MTMR6: variants seen among roughly 807,000 people sequenced by gnomAD.
The protein encoded by MTMR6 is myotubularin related protein 6.
MTMR6 carries 47 observed loss-of-function variants against 80.1 expected under a neutral mutation model. The observed-to-expected ratio is 0.59, with a 90% CI of 0.46 to 0.75. The LOEUF (loss-of-function observed/expected upper bound fraction) is 0.75, where lower values mean the gene tolerates loss of function less well. Ranked by LOEUF, MTMR6 falls within the 30% of genes least tolerant of loss-of-function variation. MTMR6 has a pLI of 0.00. For missense variants in MTMR6, 629 were observed against 730.9 expected, an observed-to-expected ratio of 0.86 and a Z score of 1.61; for synonymous variants, 254 against 253.0, an observed-to-expected ratio of 1.00 and a Z score of -0.04.
intron 1 of MTMR6, among the ~76,000 whole-genome samples, chr13:25,280,706 G>A (rs1209371270): frequency 2.0e-5 from 3 of 151,732 alleles, no homozygotes; most frequent in Admixed American, 6.6e-5. Context: ...GAAGTACTAA[G>A]AAACTATTAG....
chr13:25,268,569 T>C (rs976022450), intron 2 of MTMR6, among the ~76,000 whole-genome samples: 3 of 152,202 alleles, frequency 2.0e-5, no homozygotes, highest in Non-Finnish European at 2.9e-5. Context: ...AAACTCATAA[T>C]AACACCAAAA....
intron 6 of MTMR6, among the ~76,000 whole-genome samples, chr13:25,260,866 C>G (rs1227766080): frequency 6.6e-6 from 1 of 152,052 alleles, no homozygotes; most frequent in East Asian, 1.9e-4. Flanking sequence ...TAAGATAACC[C>G]AAATTCCTGT....
At chr13:25,261,607 C>A in intron 6 of MTMR6, 61 bp downstream of exon 6, 1 of 1,369,046 alleles carries the variant, frequency 7.3e-7, no homozygotes, top group South Asian at 1.8e-5. Flanking sequence ...TATTAACTCT[C>A]ATTAAGTAAA....
chr13:25,256,025 A>C (rs1566035729), intron 9 of MTMR6, among the ~76,000 whole-genome samples: 1 of 152,190 alleles, frequency 6.6e-6, no homozygotes, highest in Non-Finnish European at 1.5e-5. Flanking sequence ...TAATCAAGTT[A>C]CTGTTTGCTT....
At chr13:25,258,264 G>A (rs1215852083) in intron 7 of MTMR6, among the ~76,000 whole-genome samples, 1 of 151,810 alleles carries the variant, frequency 6.6e-6, no homozygotes, top group Admixed American at 6.6e-5. Flanking sequence ...AACCAAATAC[G>A]GCTACTAAAC....
chr13:25,250,510 G>T (rs1266413330), intron 13 of MTMR6, among the ~76,000 whole-genome samples: 1 of 152,052 alleles, frequency 6.6e-6, no homozygotes, highest in Non-Finnish European at 1.5e-5. Context: ...AATGAGCAAA[G>T]GTTTGAACAG....
intron 5 of MTMR6, among the ~76,000 whole-genome samples, chr13:25,265,539 C>G (rs1447690522): frequency 1.3e-5 from 2 of 151,984 alleles, no homozygotes; most frequent in Non-Finnish European, 1.5e-5. Flanking sequence ...GTCAGGAGTT[C>G]AAGACCAGCC....
intron 1 of MTMR6, among the ~76,000 whole-genome samples, chr13:25,277,536 G>A (rs1957750963): frequency 6.6e-6 from 1 of 152,134 alleles, no homozygotes; most frequent in African/African-American, 2.4e-5. Flanking sequence ...CCCTTTTGTT[G>A]AAATCATTTG....
In MTMR6 at chr13:25,265,924, T is replaced by G. The variant is rs1354333789; in HGVS notation, c.486A>C (p.Glu162Asp). 2 of 1,613,932 alleles carry G rather than the reference T, an allele frequency of 1.2e-6. No individual in the cohort carries two copies. The highest frequency in any genetic ancestry group is 1.7e-6 in the Non-Finnish European group (2 of 1,179,848). ...DYKICETYPR[E>D]LYVPRIASKP... ...TGCTTGCTATCCGGGGAACATAAAG[T>G]TCTCTGGGGTAAGTTTCACAAATCT... The change falls in exon 5 of 14, where the codon GAA (glutamate) becomes GAC (aspartate). Residue 162 changes from glutamate (E) to aspartate (D), a missense_variant. Coordinates refer to ENST00000381801, the MANE Select transcript of MTMR6 (RefSeq NM_004685.5).
chr13:25,255,490 C>T (rs1336226729), intron 9 of MTMR6, among the ~76,000 whole-genome samples: 1 of 152,164 alleles, frequency 6.6e-6, no homozygotes, highest in Non-Finnish European at 1.5e-5. Context: ...TCTCTTCTAT[C>T]CCACATCCAA....
rs1046386884 is a variant in MTMR6, at chr13:25,249,397, G to A, written c.1701C>T (p.Ser567=). ...VHPESPNLKT[S]LCFKEQTLLP... ...GCAGAGTCTGCTCTTTAAAACACAG[G>A]GAAGTTTTGAGGTTAGGTGATTCAG... Residue 567 remains serine (S), a synonymous_variant, in exon 14 of 14, where the codon TCC becomes TCT. Coordinates refer to ENST00000381801, the MANE Select transcript of MTMR6 (RefSeq NM_004685.5). 2.5e-6 allele frequency: 4 copies of A among 1,613,942 alleles called. No homozygotes were observed. In the African/African-American group the frequency reaches 5.3e-5, roughly 22 times the overall value.
intron 6 of MTMR6, among the ~76,000 whole-genome samples, chr13:25,260,064 T>C (rs949477165): frequency 3.3e-5 from 5 of 152,100 alleles, no homozygotes; most frequent in Non-Finnish European, 4.4e-5. Context: ...GGTTTTGCCA[T>C]GTTGGCCAGG....
intron 1 of MTMR6, among the ~76,000 whole-genome samples, chr13:25,280,816 G>A (rs766278926): frequency 6.6e-6 from 1 of 152,152 alleles, no homozygotes; most frequent in African/African-American, 2.4e-5. Flanking sequence ...CGAAAATGTG[G>A]CAAGGAGAAA....
Position 25,254,403 on chromosome 13 carries a change from C to G in MTMR6, c.1127G>C (p.Gly376Ala). The stretch of plus-strand genomic sequence containing the variant: ...GACTCACCTCTCTGAAAATTTATGT[C>G]CAAAAGAGATCCAATCCTTTTCTAT... Reference protein sequence around the residue: ...VLIEKDWISFGHKFSERCGQL... With the variant: ...VLIEKDWISFAHKFSERCGQL... The change falls in exon 10 of 14, where the codon GGA becomes GCA. Residue 376 changes from glycine (G) to alanine (A), a missense_variant. Transcript: ENST00000381801. 1.3e-6 allele frequency: 2 copies of G among 1,575,038 alleles called. No homozygotes were observed. Among genetic ancestry groups the G allele is most frequent in the Non-Finnish European group, 1.7e-6 (2 of 1,148,584 alleles).
At chr13:25,250,786 A>G (rs1267880534) in intron 13 of MTMR6, among the ~76,000 whole-genome samples, 1 of 152,246 alleles carries the variant, frequency 6.6e-6, no homozygotes, top group Non-Finnish European at 1.5e-5. Flanking sequence ...ACTTTTATAT[A>G]GTTTTAAAAC....
chr13:25,267,960 TC>T lies in MTMR6; in HGVS notation c.142-20del. On this transcript the variant is annotated intron_variant, in intron 2 of 13. Transcript: ENST00000381801. ...GTAATATCTACAGCATGAAAAAACA[TC>T]CAGGTCATCAACATGGAAAGCACTA... 6.4e-7 allele frequency: 1 copy of T among 1,561,878 alleles called. No individual in the cohort carries two copies. The highest frequency in any genetic ancestry group is 8.7e-7 in the Non-Finnish European group (1 of 1,154,004).
In MTMR6 at chr13:25,246,922, T is replaced by A. The variant is rs1320654937; in HGVS notation, c.*2310A>T. 1 of 152,198 alleles carries A rather than the reference T, an allele frequency of 6.6e-6. No homozygotes were observed. Among genetic ancestry groups the A allele is most frequent in the Non-Finnish European group, 1.5e-5 (1 of 68,034 alleles). 9.4% of individuals were successfully genotyped at this position (152,198 alleles called of 1,614,324 possible). On this transcript the variant is annotated 3_prime_UTR_variant, in exon 14 of 14. Coordinates refer to ENST00000381801, the MANE Select transcript of MTMR6 (RefSeq NM_004685.5). ...CCAGATCTGCCTTTGGAGAGACATTTCACCTCGAATGTTTGTACTCAATGG... is the reference window on the plus strand; with the variant it reads ...CCAGATCTGCCTTTGGAGAGACATTACACCTCGAATGTTTGTACTCAATGG...
chr13:25,285,367 T>C (rs1957932739), intron 1 of MTMR6, among the ~76,000 whole-genome samples: 1 of 151,336 alleles, frequency 6.6e-6, no homozygotes, highest in African/African-American at 2.4e-5. Context: ...AGTTTACTTT[T>C]ACTGATTTTT....
chr13:25,258,642 G>A lies in MTMR6; in HGVS notation c.777C>T (p.Asp259=), dbSNP rs1452837606. 1 of 1,596,762 alleles carries A rather than the reference G, an allele frequency of 6.3e-7. No individual in the cohort carries two copies. Among genetic ancestry groups the A allele is most frequent in the African/African-American group, 1.4e-5 (1 of 74,026 alleles). Residue 259 remains aspartate, a synonymous_variant, in exon 7 of 14, where the codon GAC becomes GAT. Coordinates refer to ENST00000381801, the MANE Select transcript of MTMR6 (RefSeq NM_004685.5). ...RAAGKGYENE[D]NYSNIRFQFV... is the part of the protein sequence containing the mutation. The stretch of plus-strand genomic sequence containing the variant: ...ACTGAAATCTAATATTGGAATAGTT[G>A]TCTTCATTTTCATAACCTTTTCCAG...
Sources: gnomAD v4.1 joint callset for allele counts (sites outside exome capture counted in the v4.1 genomes callset) on GRCh38, gnomAD v4.1.1 for gene constraint, MANE v1.5 for transcripts, NCBI Gene and HGNC (gene_info 2026-07-23, HGNC 2026-07-21) for gene names.